The following TTC7A variants were observed in gnomAD, a reference collection of about 807,000 sequenced individuals.
TTC7A encodes tetratricopeptide repeat domain 7A, also known as tetratricopeptide repeat protein 7A.
A neutral mutation model predicts 103.7 loss-of-function variants in TTC7A; 110 were observed. That is an observed-to-expected ratio of 1.06 (90% CI 0.91 to 1.24). The LOEUF (loss-of-function observed/expected upper bound fraction) is 1.24, where lower values mean the gene tolerates loss of function less well. Ranked by LOEUF, TTC7A falls within the 50% of genes most tolerant of loss-of-function variation. The probability of loss-of-function intolerance (pLI) is 0.00; values close to 1 mark genes in which losing one functional copy is unlikely to be tolerated. For missense variants in TTC7A, 1,340 were observed against 1,116.3 expected (o/e 1.20, Z -2.86); for synonymous variants, 521 against 467.9 (o/e 1.11, Z -1.47).
At chr2:47,023,588 A>C in intron 13 of TTC7A, 123 bp downstream of exon 13, 1 of 1,055,926 alleles carries the variant, frequency 9.5e-7, no homozygotes, top group East Asian at 2.6e-5. Context: ...TTTACAGATG[A>C]GGGAACTGCA....
chr2:47,039,942 G>A (rs1420298729), intron 15 of TTC7A, among the ~76,000 whole-genome samples: 4 of 152,246 alleles, frequency 2.6e-5, no homozygotes, highest in African/African-American at 9.6e-5. Context: ...TACAGACCCT[G>A]TGGGCTGAGA....
At chr2:46,917,722 A>G (rs1322759193) in intron 2 of TTC7A, among the ~76,000 whole-genome samples, 1 of 152,114 alleles carries the variant, frequency 6.6e-6, no homozygotes, top group East Asian at 1.9e-4. Flanking sequence ...CCACCATACC[A>G]CTGAAACTGC....
intron 4 of TTC7A, 85 bp downstream of exon 4, chr2:46,975,188 G>A: frequency 1.3e-6 from 2 of 1,555,188 alleles, no homozygotes; most frequent in Non-Finnish European, 8.8e-7. Flanking sequence ...TAGGTCACCT[G>A]TGTGCTAATT....
intron 19 of TTC7A, among the ~76,000 whole-genome samples, chr2:47,062,595 G>A (rs1446245496): frequency 6.6e-6 from 1 of 152,252 alleles, no homozygotes; most frequent in Non-Finnish European, 1.5e-5. Context: ...CATTGGGCCT[G>A]CAGCCAGGCA....
chr2:46,948,115 C>T (rs1252059316), intron 1 of TTC7A, among the ~76,000 whole-genome samples: 5 of 152,170 alleles, frequency 3.3e-5, no homozygotes, highest in South Asian at 2.1e-4. Flanking sequence ...TCTGGTGGCA[C>T]GGTGGCCCAA....
At chr2:46,921,101 G>A (rs1669081564) in intron 2 of TTC7A, among the ~76,000 whole-genome samples, 1 of 152,080 alleles carries the variant, frequency 6.6e-6, no homozygotes, top group Admixed American at 6.5e-5. Context: ...CTTAATATCA[G>A]GAACAAAGCA....
rs572620276 is a variant in TTC7A at position 46,987,129 on chromosome 2, A to G, written c.765-6321A>G. Among the ~76,000 whole-genome samples the G allele has an allele frequency of 2.2e-4, 34 of 152,198 alleles. 1 individual carries two copies. The South Asian group carries it at 6.8e-3, about 31-fold the overall frequency. ...ATCAGGAATTGGGAGGCCCCAGTGC[A>G]AAAGAGCCCTCGGTGGGTGGGGGTG... On this transcript the variant is annotated intron_variant, in intron 5 of 19. Transcript: ENST00000319190.
intron 18 of TTC7A, among the ~76,000 whole-genome samples, chr2:47,059,575 C>T (rs1261235932): frequency 6.6e-6 from 1 of 152,108 alleles, no homozygotes; most frequent in African/African-American, 2.4e-5. Context: ...CACACGCCTA[C>T]CTTCAGTCAG....
intron 19 of TTC7A, chr2:47,067,923 C>G (rs1684315005): frequency 6.6e-6 from 1 of 152,188 alleles, no homozygotes; most frequent in African/African-American, 2.4e-5. Flanking sequence ...CCACTCCGTC[C>G]TCTCTGAGTC....
At chr2:47,018,945 C>T (rs1449738822) in intron 11 of TTC7A, among the ~76,000 whole-genome samples, 1 of 152,106 alleles carries the variant, frequency 6.6e-6, no homozygotes, top group Non-Finnish European at 1.5e-5. Flanking sequence ...GCTAGACTGC[C>T]CTGCCTCTTT....
chr2:46,920,205 G>A (rs573455272), intron 2 of TTC7A, among the ~76,000 whole-genome samples: 209 of 152,264 alleles, frequency 1.4e-3, no homozygotes, highest in Middle Eastern at 3.4e-3. Flanking sequence ...AATACATAAT[G>A]TATGTATTAA....
intron 16 of TTC7A, among the ~76,000 whole-genome samples, chr2:47,048,661 G>T (rs1448020937): frequency 6.6e-6 from 1 of 152,072 alleles, no homozygotes; most frequent in East Asian, 1.9e-4. Flanking sequence ...GGAGTTCAGT[G>T]GCAGGATCAC....
chr2:46,989,674 A>T (rs1174582409), intron 5 of TTC7A, among the ~76,000 whole-genome samples: 1 of 150,990 alleles, frequency 6.6e-6, no homozygotes, highest in East Asian at 1.9e-4. Context: ...TACCCAAAAC[A>T]TGCCTGAGGG....
intron 5 of TTC7A, among the ~76,000 whole-genome samples, chr2:46,985,616 G>A (rs1271935443): frequency 5.3e-5 from 8 of 152,220 alleles, no homozygotes; most frequent in Non-Finnish European, 1.2e-4. Flanking sequence ...GAAAGGAGAG[G>A]TTAAGTAACT....
At chr2:47,042,702 GTA>G (rs58300158) in intron 15 of TTC7A, among the ~76,000 whole-genome samples, 2,545 of 142,682 alleles carry the variant, frequency 0.018, 78 homozygotes, top group African/African-American at 0.061. Flanking sequence ...GTGTGTGTGT[GTA>G]TATATATGTA....
In TTC7A at chr2:47,046,432, G is replaced by C. The variant is rs751311194; in HGVS notation, c.1919+1G>C. 2.5e-6 allele frequency: 4 copies of C among 1,612,928 alleles called. No homozygotes were observed. Among genetic ancestry groups the C allele is most frequent in the Non-Finnish European group, 2.5e-6 (3 of 1,178,948 alleles). On this transcript the variant is annotated splice_donor_variant, in intron 16 of 19. Coordinates refer to ENST00000319190, the MANE Select transcript of TTC7A (RefSeq NM_020458.4). LOFTEE classifies it high-confidence loss of function. ...CCCTGTACAGCTTCTCCCAGCTGGG[G>C]TGAGTGGCCGTCATTGTCTCTTGGG...
intron 18 of TTC7A, among the ~76,000 whole-genome samples, chr2:47,052,587 G>A (rs770010680): frequency 2.0e-5 from 3 of 152,214 alleles, no homozygotes; most frequent in Non-Finnish European, 2.9e-5. Context: ...ATGAATGCCC[G>A]GGAGGGACTC....
intron 8 of TTC7A, among the ~76,000 whole-genome samples, chr2:46,999,151 A>G (rs921328865): frequency 7.9e-5 from 12 of 151,806 alleles, no homozygotes; most frequent in Non-Finnish European, 2.9e-5. Flanking sequence ...CCATTCATCT[A>G]CCATCCATCC....
At chr2:46,955,555 AG>A (rs1671780192) in intron 2 of TTC7A, among the ~76,000 whole-genome samples, 1 of 152,178 alleles carries the variant, frequency 6.6e-6, no homozygotes, top group African/African-American at 2.4e-5. Flanking sequence ...AGGATAGAAG[AG>A]GACCTGGTTA....
Sources: gnomAD v4.1 joint callset for allele counts (sites outside exome capture counted in the v4.1 genomes callset) on GRCh38, gnomAD v4.1.1 for gene constraint, MANE v1.5 for transcripts, NCBI Gene and HGNC (gene_info 2026-07-23, HGNC 2026-07-21) for gene names.